ADARB2: variants seen among roughly 807,000 people sequenced by gnomAD.
ADARB2 encodes adenosine deaminase RNA specific B2 (inactive), also known as inactive double-stranded RNA-specific editase B2.
ADARB2 carries 25 observed loss-of-function variants against 62.2 expected under a neutral mutation model. That is an observed-to-expected ratio of 0.40 (90% CI 0.29 to 0.56). The LOEUF is 0.56. ADARB2 is among the 20% of genes least tolerant of loss of function. The pLI, the probability that ADARB2 is intolerant of heterozygous loss-of-function variation, is 0.43. For missense variants in ADARB2, 1,071 were observed against 1,077.4 expected (o/e 0.99, Z 0.08); for synonymous variants, 572 against 500.8 (o/e 1.14, Z -1.90).
intron 1 of ADARB2, among the ~76,000 whole-genome samples, chr10:1,553,918 GA>G (rs984970763): frequency 2.0e-5 from 3 of 152,180 alleles, no homozygotes; most frequent in Admixed American, 2.0e-4. Flanking sequence ...AGAACCGGTA[GA>G]ATTCTAAAAT....
intron 1 of ADARB2, among the ~76,000 whole-genome samples, chr10:1,416,037 G>A (rs906339415): frequency 5.9e-5 from 9 of 152,198 alleles, no homozygotes; most frequent in African/African-American, 9.7e-5. Context: ...CTCAAGACCC[G>A]CCATGGGGCT....
At chr10:1,667,232 G>C (rs370629461) in intron 1 of ADARB2, among the ~76,000 whole-genome samples, 1 of 152,144 alleles carries the variant, frequency 6.6e-6, no homozygotes, top group Non-Finnish European at 1.5e-5. Flanking sequence ...CAGATATTGC[G>C]AGCTTACAAC....
At chr10:1,658,727 T>G (rs1834204836) in intron 1 of ADARB2, among the ~76,000 whole-genome samples, 1 of 152,242 alleles carries the variant, frequency 6.6e-6, no homozygotes, top group Admixed American at 6.5e-5. Flanking sequence ...GAACAGAGCC[T>G]CCAACCTGCC....
intron 4 of ADARB2, among the ~76,000 whole-genome samples, chr10:1,262,891 A>T (rs1395355072): frequency 6.6e-6 from 1 of 152,198 alleles, no homozygotes; most frequent in Non-Finnish European, 1.5e-5. Context: ...CATATGTCCA[A>T]CAATGATAGA....
intron 1 of ADARB2, among the ~76,000 whole-genome samples, chr10:1,478,045 G>A (rs1273723044): frequency 1.3e-5 from 2 of 152,174 alleles, no homozygotes; most frequent in African/African-American, 4.8e-5. Flanking sequence ...AAACCTCCCC[G>A]AGCCTTTACT....
chr10:1,265,577 T>C (rs60961260), intron 4 of ADARB2, among the ~76,000 whole-genome samples: 7,436 of 82,876 alleles, frequency 0.09, 806 homozygotes, highest in African/African-American at 0.31. Flanking sequence ...ACGGCCTGAG[T>C]CAGGTCCACG....
At chr10:1,407,851 G>T (rs1832720150) in intron 1 of ADARB2, among the ~76,000 whole-genome samples, 2 of 152,216 alleles carry the variant, frequency 1.3e-5, no homozygotes, top group South Asian at 4.1e-4. Context: ...CTGTTCTGTG[G>T]GGGGAACTGG....
intron 1 of ADARB2, among the ~76,000 whole-genome samples, chr10:1,503,475 C>CAG (rs1831793030): frequency 6.6e-6 from 1 of 152,032 alleles, no homozygotes; most frequent in African/African-American, 2.4e-5. Context: ...AGCACAAAAG[C>CAG]AGTCAATTCC....
intron 1 of ADARB2, among the ~76,000 whole-genome samples, chr10:1,722,716 G>T (rs567190476): frequency 3.3e-5 from 5 of 152,094 alleles, no homozygotes; most frequent in Non-Finnish European, 5.9e-5. Context: ...ATTCCTTAAA[G>T]ATTTTTACCT....
At chr10:1,442,501 A>G (rs947495920) in intron 1 of ADARB2, among the ~76,000 whole-genome samples, 1 of 152,246 alleles carries the variant, frequency 6.6e-6, no homozygotes, top group Non-Finnish European at 1.5e-5. Context: ...AAACATCCAC[A>G]CACAAAATAG....
At chr10:1,484,985 T>TGTC (rs1053252922) in intron 1 of ADARB2, among the ~76,000 whole-genome samples, 1 of 152,012 alleles carries the variant, frequency 6.6e-6, no homozygotes, top group Non-Finnish European at 1.5e-5. Context: ...TATGTGTCTA[T>TGTC]GTCGGCATTC....
intron 3 of ADARB2, among the ~76,000 whole-genome samples, chr10:1,286,152 G>A (rs1330692175): frequency 6.6e-6 from 1 of 152,126 alleles, no homozygotes; most frequent in African/African-American, 2.4e-5. Flanking sequence ...GCAGAGGGAC[G>A]CAGGGCCAGA....
chr10:1,186,095 G>T (rs973270115), intron 8 of ADARB2, among the ~76,000 whole-genome samples: 1 of 152,236 alleles, frequency 6.6e-6, no homozygotes, highest in African/African-American at 2.4e-5. Context: ...GTGCAGCTGA[G>T]CCCCGCCAAT....
intron 1 of ADARB2, among the ~76,000 whole-genome samples, chr10:1,389,658 G>A (rs1209973582): frequency 6.6e-6 from 1 of 152,018 alleles, no homozygotes. Context: ...TTCAAGAATC[G>A]ATTGAACCGG....
rs181484038 is a variant in ADARB2, at chr10:1,589,409, G to A, written c.100+147642C>T. Among the ~76,000 whole-genome samples, 370 of 151,270 alleles carry A rather than the reference G, an allele frequency of 2.4e-3. 1 individual carries two copies. The highest frequency in any genetic ancestry group is 7.4e-3 in the African/African-American group (303 of 41,196). ...ATGGTCAAGGCATCCACGGAGGGGC[G>A]TCTGCGGTCAGGGCATCCATGGTCG... On this transcript the variant is annotated intron_variant, in intron 1 of 9. Coordinates refer to ENST00000381312, the MANE Select transcript of ADARB2 (RefSeq NM_018702.4).
chr10:1,530,980 C>A (rs536936962), intron 1 of ADARB2, among the ~76,000 whole-genome samples: 1 of 152,206 alleles, frequency 6.6e-6, no homozygotes, highest in Non-Finnish European at 1.5e-5. Flanking sequence ...ACTCAGCACT[C>A]AGGTCAGTCG....
In ADARB2 at chr10:1,503,992, T is replaced by C. The variant is rs113368061; in HGVS notation, c.101-124832A>G. On this transcript the variant is annotated intron_variant, in intron 1 of 9. Coordinates refer to ENST00000381312, the MANE Select transcript of ADARB2 (RefSeq NM_018702.4). ...TGGCCCAATCTCAGGTATTTCTTGA[T>C]AGCAATGCAAGAATGGCTTAATACA... 2.0e-4 allele frequency among the ~76,000 whole-genome samples: 30 copies of C among 152,354 alleles called. No individual in the cohort carries two copies. The South Asian group carries it at 6.0e-3, about 31-fold the overall frequency.
At position 1,684,591 on chromosome 10, in the gene ADARB2, G is replaced by A. The variant is rs940102396; in HGVS notation, c.100+52460C>T. Among the ~76,000 whole-genome samples, 6 of 152,096 alleles carry A rather than the reference G, an allele frequency of 3.9e-5. 1 individual carries two copies. Among genetic ancestry groups the A allele is most frequent in the African/African-American group, 9.7e-5 (4 of 41,392 alleles). ...CTTTTTCTCTTGTCCCTTAACTAAAGGTTTATATGTCTCACCAAATGGCAA... is the reference window on the plus strand; with the variant it reads ...CTTTTTCTCTTGTCCCTTAACTAAAAGTTTATATGTCTCACCAAATGGCAA... On this transcript the variant is annotated intron_variant, in intron 1 of 9. Transcript: ENST00000381312.
chr10:1,614,203 G>T (rs1479869145), intron 1 of ADARB2, among the ~76,000 whole-genome samples: 1 of 151,922 alleles, frequency 6.6e-6, no homozygotes, highest in African/African-American at 2.4e-5. Flanking sequence ...CATGGTAAAA[G>T]GTAAATCTAT....
Sources: gnomAD v4.1 joint callset for allele counts (sites outside exome capture counted in the v4.1 genomes callset) on GRCh38, gnomAD v4.1.1 for gene constraint, MANE v1.5 for transcripts, NCBI Gene and HGNC (gene_info 2026-07-23, HGNC 2026-07-21) for gene names.